ADGRA2: variants seen among roughly 807,000 people sequenced by gnomAD.
The protein encoded by ADGRA2 is adhesion G protein-coupled receptor A2, also known as G-protein coupled receptor 124.
In ADGRA2, 61 loss-of-function variants were observed where a neutral mutation model predicts 98.7. The observed-to-expected ratio is 0.62, with a 90% CI of 0.50 to 0.76. The LOEUF is 0.76. Ranked by LOEUF, ADGRA2 falls within the 30% of genes least tolerant of loss-of-function variation. The probability of loss-of-function intolerance (pLI) is 0.00; values close to 1 mark genes in which losing one functional copy is unlikely to be tolerated. For missense variants in ADGRA2, 1,712 were observed against 1,860.0 expected (o/e 0.92, Z 1.46); for synonymous variants, 858 against 831.5 (o/e 1.03, Z -0.55).
In ADGRA2 at chr8:37,816,927, A is replaced by AACACACACAC. The variant is rs3050620; in HGVS notation, c.338+2000_338+2009dup. 6.8e-3 allele frequency among the ~76,000 whole-genome samples: 892 copies of AACACACACAC among 131,962 alleles called. 8 individuals are homozygous for AACACACACAC. Among genetic ancestry groups the AACACACACAC allele is most frequent in the Middle Eastern group, 0.02 (5 of 252 alleles). 86.6% of individuals were successfully genotyped at this position (131,962 alleles called of 152,430 possible). On this transcript the variant is annotated intron_variant, in intron 2 of 18. Coordinates refer to ENST00000412232, the MANE Select transcript of ADGRA2 (RefSeq NM_032777.10). ...CAAGACTGTCTCAAAAAGAAAGCAA[A>AACACACACAC]ACACACACACACACACACACACACA...
At chr8:37,823,346 C>T (rs1409937668) in intron 2 of ADGRA2, among the ~76,000 whole-genome samples, 1 of 151,884 alleles carries the variant, frequency 6.6e-6, no homozygotes, top group Non-Finnish European at 1.5e-5. Flanking sequence ...GACTTACAGG[C>T]ACGCACCACC....
chr8:37,840,723 C>G (rs750883757), intron 17 of ADGRA2, 37 bp from the exon 18 acceptor site: 1 of 1,082,344 alleles, frequency 9.2e-7, no homozygotes, highest in South Asian at 1.3e-5. Context: ...CTTCCCTTTC[C>G]CCATCTCTGG....
chr8:37,834,116 G>A lies in ADGRA2; in HGVS notation c.1596G>A (p.Gln532=), dbSNP rs1334363583. The A allele has an allele frequency of 6.2e-7, 1 of 1,611,278 alleles. No individual in the cohort carries two copies. The highest frequency in any genetic ancestry group is 2.2e-5 in the East Asian group (1 of 44,866). The change falls in exon 11 of 19, where the codon CAG becomes CAA. Residue 532 remains glutamine (Q), a synonymous_variant. Transcript: ENST00000412232. The surrounding 1 kb of genome is among the most constrained non-coding windows in gnomAD (Gnocchi z 4.2). The stretch of plus-strand genomic sequence containing the variant: ...GGGCCGCCCTCAGCCCCCATGCCCA[G>A]CACATCTCAGTGGTAATGGGGGTCA... ...IGGAALSPHA[Q]HISVNARNVA...
At chr8:37,820,238 G>T (rs776759541) in intron 2 of ADGRA2, among the ~76,000 whole-genome samples, 1 of 152,154 alleles carries the variant, frequency 6.6e-6, no homozygotes, top group Admixed American at 6.6e-5. Context: ...CCTGCACAGC[G>T]ACATCTAGAT....
chr8:37,812,503 T>G (rs971043933), intron 1 of ADGRA2, among the ~76,000 whole-genome samples: 2 of 151,998 alleles, frequency 1.3e-5, no homozygotes, highest in East Asian at 3.9e-4. Flanking sequence ...GGCGGGCACC[T>G]GTAGTCCCAG....
intron 3 of ADGRA2, 102 bp from the exon 4 acceptor site, chr8:37,829,159 C>A: frequency 1.0e-6 from 1 of 958,848 alleles, no homozygotes; most frequent in Non-Finnish European, 1.7e-6. Flanking sequence ...CTTTTTCATC[C>A]CACCCCCCAA....
At position 37,840,651 on chromosome 8, in the gene ADGRA2, T is replaced by C; in HGVS notation, c.2658-109T>C. 5.6e-6 allele frequency: 4 copies of C among 708,302 alleles called. No individual in the cohort carries two copies. The South Asian group carries it at 6.3e-5, about 11-fold the overall frequency. The allele number at this position is 708,302 out of a possible 1,614,324, so 43.9% of individuals were successfully genotyped here. ...TCCCTGGCAAAAAATTCTGATAATT[T>C]AAAGGGGAAAGAGGATGGGACAGAA... On this transcript the variant is annotated intron_variant, in intron 17 of 18. Transcript: ENST00000412232.
rs1804373371 is a variant in ADGRA2 at position 37,797,655 on chromosome 8, G to T, written c.266+121G>T. On this transcript the variant is annotated intron_variant, in intron 1 of 18. Coordinates refer to ENST00000412232, the MANE Select transcript of ADGRA2 (RefSeq NM_032777.10). The surrounding 1 kb of genome is among the most constrained non-coding windows in gnomAD (Gnocchi z 5.3). ...CCCCACTTCAGAGATTTCTGGACAG[G>T]CCTGGGTTCAGGCCCCCAGAGGGGA... The T allele has an allele frequency of 1.9e-6, 2 of 1,032,224 alleles. No homozygotes were observed. Among genetic ancestry groups the T allele is most frequent in the East Asian group, 6.5e-5 (2 of 30,642 alleles). The allele number at this position is 1,032,224 out of a possible 1,614,324, so 63.9% of individuals were successfully genotyped here. A position where few individuals can be genotyped will look rare whatever the true frequency, so the allele number is the denominator to read the frequency against.
At chr8:37,818,111 G>C (rs556458631) in intron 2 of ADGRA2, among the ~76,000 whole-genome samples, 2 of 152,326 alleles carry the variant, frequency 1.3e-5, no homozygotes, top group East Asian at 3.9e-4. Context: ...TGTGTCCTCT[G>C]CTCAGCCCAG....
chr8:37,835,733 G>A lies in ADGRA2; in HGVS notation c.2013G>A (p.Arg671=), dbSNP rs146016051. 1,456 of 1,613,554 alleles carry A rather than the reference G, an allele frequency of 9.0e-4. 13 individuals carry two copies. The African/African-American group carries it at 0.013, about 15-fold the overall frequency. ...CTGGAGCTGCTGGGCCTGGCAAGAG[G>A]CGTGGCGTGGCCACCCCCGTCATCT... ...SRPGAAGPGK[R]RGVATPVIFA... The change falls in exon 13 of 19, where the codon AGG becomes AGA. Residue 671 remains arginine (R), a synonymous_variant. Transcript: ENST00000412232.
Position 37,814,076 on chromosome 8 carries a change from T to C in ADGRA2, c.267-820T>C, listed in dbSNP as rs1183875340. On this transcript the variant is annotated intron_variant, in intron 1 of 18. Transcript: ENST00000412232. The surrounding 1 kb of genome is among the most constrained non-coding windows in gnomAD (Gnocchi z 4.3). ...GGAGAGGCTCATTAAAGCTTTCTAATAAGCAATTAACTGGGGGATGAGCCC... is the reference window on the plus strand; with the variant it reads ...GGAGAGGCTCATTAAAGCTTTCTAACAAGCAATTAACTGGGGGATGAGCCC... 6.6e-6 allele frequency among the ~76,000 whole-genome samples: 1 copy of C among 152,184 alleles called. No homozygotes were observed. Among genetic ancestry groups the C allele is most frequent in the Non-Finnish European group, 1.5e-5 (1 of 68,030 alleles).
At chr8:37,812,848 T>TTATA (rs144634345) in intron 1 of ADGRA2, among the ~76,000 whole-genome samples, 8,034 of 151,642 alleles carry the variant, frequency 0.053, 446 homozygotes, top group East Asian at 0.19. Context: ...TTTTTTATTT[T>TTATA]TATTTATTTA....
At chr8:37,827,643 A>G (rs1805318540) in intron 2 of ADGRA2, among the ~76,000 whole-genome samples, 1 of 152,238 alleles carries the variant, frequency 6.6e-6, no homozygotes, top group South Asian at 2.1e-4. Context: ...GCGGAGACCC[A>G]TGGAGAAGAC....
intron 1 of ADGRA2, among the ~76,000 whole-genome samples, chr8:37,813,428 T>C (rs1428512929): frequency 6.6e-6 from 1 of 152,140 alleles, no homozygotes; most frequent in African/African-American, 2.4e-5. Flanking sequence ...AATAAAATAA[T>C]AACGTGAGTT....
intron 2 of ADGRA2, among the ~76,000 whole-genome samples, chr8:37,826,118 A>C (rs1366134116): frequency 6.6e-6 from 1 of 151,846 alleles, no homozygotes; most frequent in Non-Finnish European, 1.5e-5. Context: ...GAGAATAAAC[A>C]CAAGTGAGCG....
chr8:37,818,529 G>A (rs146984034), intron 2 of ADGRA2, among the ~76,000 whole-genome samples: 24 of 152,376 alleles, frequency 1.6e-4, no homozygotes, highest in African/African-American at 3.8e-4. Context: ...GCTTGATGCC[G>A]AGTCGTGCGA....
At chr8:37,809,867 G>T (rs1804775899) in intron 1 of ADGRA2, among the ~76,000 whole-genome samples, 1 of 152,130 alleles carries the variant, frequency 6.6e-6, no homozygotes, top group South Asian at 2.1e-4. Flanking sequence ...TGAAGTCTGG[G>T]CTCAGGGCAG....
chr8:37,816,314 C>T (rs115590200), intron 2 of ADGRA2, among the ~76,000 whole-genome samples: 2,401 of 150,980 alleles, frequency 0.016, 75 homozygotes, highest in African/African-American at 0.056. Context: ...ACACTTAGGC[C>T]GGGCGCGGTG....
At chr8:37,826,194 A>G (rs999724911) in intron 2 of ADGRA2, among the ~76,000 whole-genome samples, 1 of 152,222 alleles carries the variant, frequency 6.6e-6, no homozygotes, top group African/African-American at 2.4e-5. Context: ...ACAATGAGGA[A>G]TGTGTTTCCC....
Sources: gnomAD v4.1 joint callset for allele counts (sites outside exome capture counted in the v4.1 genomes callset) on GRCh38, gnomAD v4.1.1 for gene constraint, Gnocchi (gnomAD v3.1) non-coding constraint, MANE v1.5 for transcripts, NCBI Gene and HGNC (gene_info 2026-07-23, HGNC 2026-07-21) for gene names.